IGSF5: variants seen among roughly 807,000 people sequenced by gnomAD.
The protein encoded by IGSF5 is immunoglobulin superfamily member 5.
IGSF5 carries 41 observed loss-of-function variants against 39.4 expected under a neutral mutation model. That is an observed-to-expected ratio of 1.04 (90% CI 0.81 to 1.35). The LOEUF is 1.35. Ranked by LOEUF, IGSF5 falls within the 40% of genes most tolerant of loss-of-function variation. The pLI is 0.00. For synonymous variants in IGSF5, 183 were observed against 175.3 expected (o/e 1.04, Z -0.34); for missense variants, 487 against 494.6 (o/e 0.98, Z 0.15).
chr21:39,750,927 C>T (rs1036789766), intron 2 of IGSF5, among the ~76,000 whole-genome samples: 10 of 152,126 alleles, frequency 6.6e-5, no homozygotes, highest in Non-Finnish European at 4.4e-5. Context: ...CTGAGCAGTG[C>T]CTTGACTCCG....
chr21:39,801,500 C>A lies in IGSF5; in HGVS notation c.*143C>A. The stretch of plus-strand genomic sequence containing the variant: ...GATGTCGGAGTCATCAGAACTGATA[C>A]TTGACAGTGAGAGAAGGAATCGATT... On this transcript the variant is annotated 3_prime_UTR_variant, in exon 9 of 9. Coordinates refer to ENST00000380588, the MANE Select transcript of IGSF5 (RefSeq NM_001080444.2). The A allele has an allele frequency of 1.9e-6, 1 of 516,258 alleles. No individual in the cohort carries two copies. Among genetic ancestry groups the A allele is most frequent in the Non-Finnish European group, 3.4e-6 (1 of 292,570 alleles). The allele number at this position is 516,258 out of a possible 1,614,324, so 32.0% of individuals were successfully genotyped here.
chr21:39,745,497 G>T lies in IGSF5; in HGVS notation c.-13G>T, dbSNP rs1200568304. 2 of 716,266 alleles carry T rather than the reference G, an allele frequency of 2.8e-6. No individual in the cohort carries two copies. The highest frequency in any genetic ancestry group is 5.2e-6 in the Non-Finnish European group (2 of 384,754). 44.4% of individuals were successfully genotyped at this position (716,266 alleles called of 1,614,324 possible). ...TATACTTTCAAGAAAGTCGTGTTCG[G>T]GACCCAGGAGGTATGGGTCAGAAGG... On this transcript the variant is annotated 5_prime_UTR_variant, in exon 1 of 9. Transcript: ENST00000380588.
At chr21:39,795,842 A>G (rs1254983145) in intron 8 of IGSF5, among the ~76,000 whole-genome samples, 3 of 152,106 alleles carry the variant, frequency 2.0e-5, no homozygotes, top group Non-Finnish European at 4.4e-5. Flanking sequence ...GCACCTCATC[A>G]GAGAGCACCA....
In IGSF5 at chr21:39,771,012, C is replaced by T. The variant is rs750185132; in HGVS notation, c.515C>T (p.Pro172Leu). The T allele has an allele frequency of 1.2e-5, 20 of 1,613,444 alleles. No homozygotes were observed. In the East Asian group the frequency reaches 1.8e-4, roughly 14 times the overall value. Residue 172 changes from proline to leucine, a missense_variant, in exon 4 of 9, where the codon CCG (proline) becomes CTG (leucine). Pro to Leu is a moderately conservative substitution (Grantham distance 98). Coordinates refer to ENST00000380588, the MANE Select transcript of IGSF5 (RefSeq NM_001080444.2). ...CTACCCTCACACTGGACCCGGCTCC[C>T]GGATATTTCCTGGGAGCTCGGTCTC... ...TCLPSHWTRL[P>L]DISWELGLLV...
At chr21:39,791,218 C>G (rs1320249646) in intron 6 of IGSF5, among the ~76,000 whole-genome samples, 1 of 152,182 alleles carries the variant, frequency 6.6e-6, no homozygotes, top group Non-Finnish European at 1.5e-5. Flanking sequence ...ATAATTTTGA[C>G]AGATGCCATG....
chr21:39,731,076 G>C, the IGSF5 span, among the ~76,000 whole-genome samples: 1 of 152,196 alleles, frequency 6.6e-6, no homozygotes, highest in Non-Finnish European at 1.5e-5. Flanking sequence ...CCATCAGGCT[G>C]GGAGCTTGCT....
chr21:39,800,617 T>A (rs1368324937), intron 8 of IGSF5, among the ~76,000 whole-genome samples: 1 of 152,234 alleles, frequency 6.6e-6, no homozygotes, highest in East Asian at 1.9e-4. Context: ...TGTGAATAAT[T>A]TATCATGCCC....
chr21:39,782,019 T>C (rs1245849106), intron 5 of IGSF5, among the ~76,000 whole-genome samples: 1 of 131,798 alleles, frequency 7.6e-6, no homozygotes, highest in Non-Finnish European at 1.6e-5. Context: ...GTGTGATATG[T>C]TGTATGCATC....
chr21:39,714,767 AC>A, the IGSF5 span, among the ~76,000 whole-genome samples: 1 of 152,194 alleles, frequency 6.6e-6, no homozygotes, highest in Non-Finnish European at 1.5e-5. Flanking sequence ...GTTAGGGCTC[AC>A]CCTAGTGACC....
At chr21:39,733,937 C>T in the IGSF5 span, among the ~76,000 whole-genome samples, 9 of 152,250 alleles carry the variant, frequency 5.9e-5, no homozygotes, top group African/African-American at 1.2e-4. Flanking sequence ...ATATCGAATT[C>T]GGGCCCACCA....
At chr21:39,763,459 C>A (rs144652826) in intron 2 of IGSF5, among the ~76,000 whole-genome samples, 1 of 152,194 alleles carries the variant, frequency 6.6e-6, no homozygotes, top group Non-Finnish European at 1.5e-5. Flanking sequence ...CTTTTCATCT[C>A]CCAGCTGCAG....
chr21:39,717,129 TTGGAC>T, the IGSF5 span, among the ~76,000 whole-genome samples: 1 of 152,256 alleles, frequency 6.6e-6, no homozygotes, highest in Non-Finnish European at 1.5e-5. Context: ...CATATGCTTC[TTGGAC>T]GCATGTATGT....
At chr21:39,716,012 C>T in the IGSF5 span, among the ~76,000 whole-genome samples, 1 of 152,130 alleles carries the variant, frequency 6.6e-6, no homozygotes, top group Non-Finnish European at 1.5e-5. Context: ...ATGAAGGAAA[C>T]CATTTCAATC....
Position 39,771,143 on chromosome 21 carries a change from G to C in IGSF5, c.646G>C (p.Val216Leu), listed in dbSNP as rs117910095. ...TPQSNGTLTC[V>L]ATWKSLKARK... ...ACAGAGCAATGGGACTTTGACTTGC[G>C]TGGCTACCTGGAAGAGCCTGAAGGC... The change falls in exon 4 of 9, where the codon GTG (valine) becomes CTG (leucine). Residue 216 changes from valine to leucine, a missense_variant. Physicochemically the swap from Val to Leu is conservative, Grantham distance 32 (BLOSUM62 1). Transcript: ENST00000380588. 1.1e-5 allele frequency: 18 copies of C among 1,608,618 alleles called. No individual in the cohort carries two copies. Among genetic ancestry groups the C allele is most frequent in the Non-Finnish European group, 7.6e-6 (9 of 1,177,266 alleles).
the IGSF5 span, among the ~76,000 whole-genome samples, chr21:39,721,688 T>A: frequency 1.5e-5 from 2 of 134,310 alleles, no homozygotes; most frequent in African/African-American, 3.2e-5. Flanking sequence ...CCTTCCTTCC[T>A]TCCTTCCTTC....
the IGSF5 span, among the ~76,000 whole-genome samples, chr21:39,726,579 A>C: frequency 7.2e-5 from 11 of 152,194 alleles, no homozygotes; most frequent in African/African-American, 2.7e-4. Flanking sequence ...CCCCTCACCA[A>C]GGCTGATGTA....
chr21:39,719,815 T>G, the IGSF5 span, among the ~76,000 whole-genome samples: 1 of 152,208 alleles, frequency 6.6e-6, no homozygotes, highest in Admixed American at 6.5e-5. Context: ...TAGGGCCTGC[T>G]CTGTGCTCCA....
the IGSF5 span, among the ~76,000 whole-genome samples, chr21:39,720,621 T>A: frequency 6.6e-6 from 1 of 152,138 alleles, no homozygotes; most frequent in African/African-American, 2.4e-5. Context: ...AAGTAGAGCA[T>A]AAGAAGACAT....
the IGSF5 span, among the ~76,000 whole-genome samples, chr21:39,733,470 T>C: frequency 1.3e-5 from 2 of 152,240 alleles, no homozygotes; most frequent in African/African-American, 4.8e-5. Flanking sequence ...TAATAATAGT[T>C]CTTTAAATAA....
Sources: gnomAD v4.1 joint callset for allele counts (sites outside exome capture counted in the v4.1 genomes callset) on GRCh38, gnomAD v4.1.1 for gene constraint, MANE v1.5 for transcripts, NCBI Gene and HGNC (gene_info 2026-07-23, HGNC 2026-07-21) for gene names.